Variants in KANSL1 observed in about 807,000 individuals in gnomAD.
The protein encoded by KANSL1 is MLL1/MLL complex subunit KANSL1.
KANSL1 carries 22 observed loss-of-function variants against 103.6 expected under a neutral mutation model. The observed-to-expected ratio is 0.21, with a 90% CI of 0.15 to 0.30. KANSL1 has a LOEUF of 0.30. KANSL1 is among the 10% of genes least tolerant of loss of function. The pLI is 1.00. For missense variants in KANSL1, 1,337 were observed against 1,399.8 expected (o/e 0.96, Z 0.72); for synonymous variants, 600 against 527.6 (o/e 1.14, Z -1.88).
At chr17:46,097,688 C>T (rs1485507180) in intron 2 of KANSL1, among the ~76,000 whole-genome samples, 1 of 152,152 alleles carries the variant, frequency 6.6e-6, no homozygotes, top group Non-Finnish European at 1.5e-5. Flanking sequence ...AACTATTTTC[C>T]CAGAAAGCAG....
At chr17:46,034,046 C>G in intron 11 of KANSL1, 115 bp downstream of exon 11, 1 of 1,291,994 alleles carries the variant, frequency 7.7e-7, no homozygotes, top group South Asian at 1.4e-5. Context: ...AAGAATTTCT[C>G]TTAATGAGAA....
At position 46,031,846 on chromosome 17, in the gene KANSL1, A is replaced by G; in HGVS notation, c.3091-143T>C. 4 of 1,016,504 alleles carry G rather than the reference A, an allele frequency of 3.9e-6. 1 individual carries two copies. The South Asian group carries it at 6.3e-5, about 16-fold the overall frequency. The allele number at this position is 1,016,504 out of a possible 1,614,324, so 63.0% of individuals were successfully genotyped here. ...GCGACAGTCTGGGAACACCCCTCCTAGGGTATACCCAGACAACTGTATTGA... is the reference window on the plus strand; with the variant it reads ...GCGACAGTCTGGGAACACCCCTCCTGGGGTATACCCAGACAACTGTATTGA... On this transcript the variant is annotated intron_variant, in intron 14 of 14. Coordinates refer to ENST00000432791, the MANE Select transcript of KANSL1 (RefSeq NM_015443.4).
chr17:46,098,609 T>C (rs1313040555), intron 2 of KANSL1, among the ~76,000 whole-genome samples: 2 of 152,264 alleles, frequency 1.3e-5, no homozygotes, highest in East Asian at 1.9e-4. Flanking sequence ...AGCCTCCTGA[T>C]AATATGTTTT....
intron 7 of KANSL1, 112 bp downstream of exon 7, chr17:46,050,421 A>C: frequency 8.9e-7 from 1 of 1,124,196 alleles, no homozygotes; most frequent in Non-Finnish European, 1.2e-6. Context: ...TGGTTGACGA[A>C]AGTTGTACCT....
chr17:46,099,050 G>A (rs1245351490), intron 2 of KANSL1, among the ~76,000 whole-genome samples: 4 of 112,928 alleles, frequency 3.5e-5, no homozygotes, highest in Admixed American at 1.9e-4. Context: ...GCGGCCGGGC[G>A]CGGTGGCTCA....
chr17:46,138,930 C>A (rs1389290442), intron 2 of KANSL1, among the ~76,000 whole-genome samples: 1 of 152,224 alleles, frequency 6.6e-6, no homozygotes, highest in Non-Finnish European at 1.5e-5. Flanking sequence ...TGATAGAATT[C>A]ATTAAACCTA....
At chr17:46,065,515 T>A (rs2078346388) in intron 6 of KANSL1, among the ~76,000 whole-genome samples, 1 of 152,054 alleles carries the variant, frequency 6.6e-6, no homozygotes, top group South Asian at 2.1e-4. Flanking sequence ...CAACCAGACA[T>A]CCCAATAAGC....
chr17:46,202,779 GAATAT>G (rs1325910223), intron 1 of KANSL1, among the ~76,000 whole-genome samples: 8 of 152,122 alleles, frequency 5.3e-5, no homozygotes, highest in South Asian at 4.1e-4. Flanking sequence ...AAAAATTATA[GAATAT>G]AATATTCAAT....
At chr17:46,039,284 G>C in intron 8 of KANSL1, 69 bp from the exon 9 acceptor site, 1 of 1,427,934 alleles carries the variant, frequency 7.0e-7, no homozygotes, top group Non-Finnish European at 9.3e-7. Flanking sequence ...CGAGTTCCAA[G>C]CTCTCGAGTT....
At chr17:46,094,795 T>C (rs2041991891) in intron 2 of KANSL1, 94 bp from the exon 3 acceptor site, 2 of 1,415,948 alleles carry the variant, frequency 1.4e-6, no homozygotes, top group Non-Finnish European at 9.9e-7. Flanking sequence ...TTAAAGGCCC[T>C]TGCAGAGACT....
At chr17:46,041,689 G>C (rs144744064) in intron 7 of KANSL1, 8 of 152,200 alleles carry the variant, frequency 5.3e-5, no homozygotes, top group African/African-American at 1.9e-4. Context: ...TACTCCTTCT[G>C]CCCTTTAATT....
rs1232187320 is a variant in KANSL1, at chr17:46,067,571, G to A, written c.1630C>T (p.Pro544Ser). Residue 544 changes from proline (P) to serine (S), a missense_variant, in exon 5 of 15, where the codon CCT becomes TCT. Pro to Ser is a moderately conservative substitution (Grantham distance 74). Transcript: ENST00000432791. The part of the protein sequence containing the change: ...LSTKSCGALR[P>S]VNGVINTLQP... ...TACGTGTTAATAACTCCATTGACAGGTCTGAGTGCTCCACATGATTTGGTA... is the reference window on the plus strand; with the variant it reads ...TACGTGTTAATAACTCCATTGACAGATCTGAGTGCTCCACATGATTTGGTA... 6.3e-7 allele frequency: 1 copy of A among 1,598,206 alleles called. No individual in the cohort carries two copies. Among genetic ancestry groups the A allele is most frequent in the East Asian group, 2.2e-5 (1 of 44,788 alleles).
intron 2 of KANSL1, among the ~76,000 whole-genome samples, chr17:46,123,659 C>A (rs9890018): frequency 0.029 from 4,463 of 152,274 alleles, 183 homozygotes; most frequent in African/African-American, 0.09. Flanking sequence ...TAATCCAGAA[C>A]AAGACCCTAA....
chr17:46,130,283 G>A (rs2043798599), intron 2 of KANSL1, among the ~76,000 whole-genome samples: 1 of 151,610 alleles, frequency 6.6e-6, no homozygotes, highest in African/African-American at 2.4e-5. Context: ...AAATTTAATC[G>A]GGGGTGGGTC....
chr17:46,067,866 T>A (rs2078437881), intron 4 of KANSL1, among the ~76,000 whole-genome samples, 199 bp from the exon 5 acceptor site: 1 of 152,066 alleles, frequency 6.6e-6, no homozygotes, highest in Admixed American at 6.6e-5. Context: ...TTGCAGCACT[T>A]TGGGAGGCCA....
At chr17:46,168,232 T>C (rs961920064) in intron 2 of KANSL1, among the ~76,000 whole-genome samples, 3 of 152,188 alleles carry the variant, frequency 2.0e-5, no homozygotes, top group African/African-American at 7.2e-5. Context: ...TTTAAAACAC[T>C]CAGAAGATCA....
intron 1 of KANSL1, among the ~76,000 whole-genome samples, chr17:46,190,315 C>A (rs2047252811): frequency 6.6e-6 from 1 of 152,242 alleles, no homozygotes; most frequent in Non-Finnish European, 1.5e-5. Flanking sequence ...ACAGGAAACA[C>A]TCACGTAACA....
In KANSL1 at chr17:46,050,687, T is replaced by C; in HGVS notation, c.1866A>G (p.Thr622=). The change falls in exon 7 of 15, where the codon ACA becomes ACG. Residue 622 remains threonine (T), a synonymous_variant. Coordinates refer to ENST00000432791, the MANE Select transcript of KANSL1 (RefSeq NM_015443.4). ...PLSKKVHRNS[T]IRPGCDVNPS... ...GATTCACATCACAGCCAGGGCGGAT[T>C]GTGCTGTTCCGGTGAACCTGTGAAA... is the stretch of plus-strand genomic sequence containing the variant. The C allele has an allele frequency of 6.2e-7, 1 of 1,613,008 alleles. No homozygotes were observed. Among genetic ancestry groups the C allele is most frequent in the Non-Finnish European group, 8.5e-7 (1 of 1,179,274 alleles).
intron 1 of KANSL1, among the ~76,000 whole-genome samples, chr17:46,200,530 C>T (rs904540672): frequency 9.2e-5 from 14 of 152,140 alleles, no homozygotes; most frequent in African/African-American, 2.9e-4. Flanking sequence ...ATCACGAGAT[C>T]CGGAGATCGA....
Sources: gnomAD v4.1 joint callset for allele counts (sites outside exome capture counted in the v4.1 genomes callset) on GRCh38, gnomAD v4.1.1 for gene constraint, MANE v1.5 for transcripts, NCBI Gene and HGNC (gene_info 2026-07-23, HGNC 2026-07-21) for gene names.